Variants in P3H2 observed in about 807,000 individuals in gnomAD.
P3H2 encodes prolyl 3-hydroxylase 2.
A neutral mutation model predicts 87.0 loss-of-function variants in P3H2; 80 were observed. That is an observed-to-expected ratio of 0.92 (90% CI 0.77 to 1.11). P3H2 has a LOEUF of 1.11. Ranked by LOEUF, P3H2 falls within the 50% of genes least tolerant of loss-of-function variation. The probability of loss-of-function intolerance (pLI) is 0.00; values close to 1 mark genes in which losing one functional copy is unlikely to be tolerated. For missense variants in P3H2, 1,001 were observed against 923.9 expected (o/e 1.08, Z -1.08); for synonymous variants, 367 against 359.3 (o/e 1.02, Z -0.24).
At chr3:190,104,877 T>C (rs1007687094) in intron 1 of P3H2, among the ~76,000 whole-genome samples, 3 of 152,204 alleles carry the variant, frequency 2.0e-5, no homozygotes, top group Non-Finnish European at 4.4e-5. Context: ...TGTTCTGGCA[T>C]GTGTGTCTTA....
chr3:190,024,083 G>GT (rs1162871448), intron 1 of P3H2, among the ~76,000 whole-genome samples: 1 of 152,090 alleles, frequency 6.6e-6, no homozygotes, highest in African/African-American at 2.4e-5. Context: ...TGCCCCTGCA[G>GT]TTTTTTTAAT....
intron 1 of P3H2, among the ~76,000 whole-genome samples, chr3:190,107,526 A>G (rs56938312): frequency 0.12 from 17,565 of 152,152 alleles, 1,105 homozygotes; most frequent in Middle Eastern, 0.21. Flanking sequence ...CTATGAGTTG[A>G]GCAGTTTTTA....
chr3:190,106,176 G>A (rs1271460909), intron 1 of P3H2, among the ~76,000 whole-genome samples: 2 of 152,150 alleles, frequency 1.3e-5, no homozygotes, highest in African/African-American at 4.8e-5. Flanking sequence ...ATACAAAGAA[G>A]AGGACACAAT....
intron 1 of P3H2, among the ~76,000 whole-genome samples, chr3:190,089,943 G>A (rs1434200284): frequency 6.6e-6 from 1 of 152,106 alleles, no homozygotes; most frequent in African/African-American, 2.4e-5. Context: ...GGGGACGTTT[G>A]TTGGGGAGGC....
At chr3:190,045,955 A>ACT in intron 1 of P3H2, among the ~76,000 whole-genome samples, 1 of 151,906 alleles carries the variant, frequency 6.6e-6, no homozygotes, top group East Asian at 1.9e-4. Context: ...CCCCGTCTCT[A>ACT]AAAATAAAAA....
At position 190,120,883 on chromosome 3, in the gene P3H2, C is replaced by G; in HGVS notation, c.-152G>C. The G allele has an allele frequency of 7.9e-7, 1 of 1,270,504 alleles. No individual in the cohort carries two copies. Among genetic ancestry groups the G allele is most frequent in the Non-Finnish European group, 1.0e-6 (1 of 966,898 alleles). 78.7% of individuals were successfully genotyped at this position (1,270,504 alleles called of 1,614,324 possible). A position where few individuals can be genotyped will look rare whatever the true frequency, so the allele number is the denominator to read the frequency against. On this transcript the variant is annotated 5_prime_UTR_variant, in exon 1 of 15. Coordinates refer to ENST00000319332, the MANE Select transcript of P3H2 (RefSeq NM_018192.4). ...GAGCCCCAGGTGACCGCCGGCGCTC[C>G]GCGTACTGAGAGGCGGAGGCCGTGC...
intron 1 of P3H2, among the ~76,000 whole-genome samples, chr3:190,093,396 G>T (rs1727477165): frequency 6.6e-6 from 1 of 152,198 alleles, no homozygotes; most frequent in Non-Finnish European, 1.5e-5. Flanking sequence ...ATGAGTTGGG[G>T]GTTGGTCTGG....
chr3:190,008,331 T>C (rs532549832), intron 1 of P3H2, among the ~76,000 whole-genome samples: 1 of 152,246 alleles, frequency 6.6e-6, no homozygotes, highest in African/African-American at 2.4e-5. Context: ...ACCCAAAATG[T>C]ATCTCTCCAA....
chr3:190,014,677 T>C (rs541389257), intron 1 of P3H2, among the ~76,000 whole-genome samples: 2 of 152,212 alleles, frequency 1.3e-5, no homozygotes, highest in Admixed American at 1.3e-4. Flanking sequence ...TGAGTCATAA[T>C]GAAAAGCTCA....
chr3:190,070,488 T>C (rs140271413), intron 1 of P3H2, among the ~76,000 whole-genome samples: 342 of 152,150 alleles, frequency 2.2e-3, no homozygotes, highest in African/African-American at 7.3e-3. Context: ...TTCATGAGGG[T>C]ATCCAGGGTC....
Position 190,120,289 on chromosome 3 carries a change from C to T in P3H2, c.443G>A (p.Arg148Lys), listed in dbSNP as rs1462366036. ...SEDVRSDFQR[R>K]VPYNYLQRAY... ...CCGCTGCAGGTAGTTGTAGGGCACT[C>T]TGCGCTGGAAGTCGCTGCGCACATC... is the stretch of plus-strand genomic sequence containing the variant. Residue 148 changes from arginine (R) to lysine (K), a missense_variant, in exon 1 of 15, where the codon AGA becomes AAA. Coordinates refer to ENST00000319332, the MANE Select transcript of P3H2 (RefSeq NM_018192.4). 6.2e-7 allele frequency: 1 copy of T among 1,610,662 alleles called. No individual in the cohort carries two copies. The highest frequency in any genetic ancestry group is 2.2e-5 in the East Asian group (1 of 44,818).
intron 1 of P3H2, among the ~76,000 whole-genome samples, chr3:190,103,515 A>G (rs748671981): frequency 6.6e-6 from 1 of 152,206 alleles, no homozygotes; most frequent in Non-Finnish European, 1.5e-5. Flanking sequence ...TTATTGGGAA[A>G]GTGGACCAGG....
Position 190,025,145 on chromosome 3 carries a change from C to T in P3H2, c.481-29703G>A, listed in dbSNP as rs185101563. ...CTTCCTGCTTAATGAATCATTTCCT[C>T]ATCTGAATTTTTCAACCACAGTCAC... On this transcript the variant is annotated intron_variant, in intron 1 of 14. Transcript: ENST00000319332. 3.9e-3 allele frequency among the ~76,000 whole-genome samples: 587 copies of T among 152,138 alleles called. 5 individuals are homozygous for T. Among genetic ancestry groups the T allele is most frequent in the African/African-American group, 0.014 (561 of 41,514 alleles).
Position 189,995,393 on chromosome 3 carries a change from G to C in P3H2, c.530C>G (p.Ala177Gly), listed in dbSNP as rs1471142174. 6.2e-7 allele frequency: 1 copy of C among 1,613,922 alleles called. No homozygotes were observed. Among genetic ancestry groups the C allele is most frequent in the Admixed American group, 1.7e-5 (1 of 60,014 alleles). Residue 177 changes from alanine (A) to glycine (G), a missense_variant, in exon 2 of 15, where the codon GCT becomes GGT. Ala to Gly is a moderately conservative substitution (Grantham distance 60). Coordinates refer to ENST00000319332, the MANE Select transcript of P3H2 (RefSeq NM_018192.4). Reference protein sequence around the residue: ...AVEAAHTFFVANPEHMEMQQN... With the variant: ...AVEAAHTFFVGNPEHMEMQQN... Reference sequence around the variant, plus strand: ...CTGCATTTCCATGTGCTCAGGGTTAGCCACGAAAAATGTGTGAGCTGCTTC... The same window carrying C: ...CTGCATTTCCATGTGCTCAGGGTTACCCACGAAAAATGTGTGAGCTGCTTC...
intron 1 of P3H2, among the ~76,000 whole-genome samples, chr3:190,036,613 T>C (rs2108951219): frequency 6.6e-6 from 1 of 152,324 alleles, no homozygotes; most frequent in Admixed American, 6.5e-5. Context: ...AGACAGAAAT[T>C]AAAACTCATA....
intron 1 of P3H2, among the ~76,000 whole-genome samples, chr3:190,054,635 T>C (rs1179655665): frequency 6.6e-6 from 1 of 152,200 alleles, no homozygotes; most frequent in Non-Finnish European, 1.5e-5. Context: ...GAGTCCTAAC[T>C]GCTTTAAAGA....
chr3:190,044,160 AGAAT>A (rs1013332634), intron 1 of P3H2, among the ~76,000 whole-genome samples: 8 of 152,220 alleles, frequency 5.3e-5, no homozygotes, highest in African/African-American at 1.9e-4. Context: ...CACAAGTAAG[AGAAT>A]GAATAGGTGT....
Position 189,995,456 on chromosome 3 carries a change from A to T in P3H2, c.481-14T>A. 1 of 1,611,518 alleles carries T rather than the reference A, an allele frequency of 6.2e-7. No individual in the cohort carries two copies. Among genetic ancestry groups the T allele is most frequent in the Non-Finnish European group, 8.5e-7 (1 of 1,179,790 alleles). On this transcript the variant is annotated splice_polypyrimidine_tract_variant and intron_variant, in intron 1 of 14. Coordinates refer to ENST00000319332, the MANE Select transcript of P3H2 (RefSeq NM_018192.4). ...GAGCTGGTTAAGCTAAAGAGAAAAA[A>T]AAATGACCAAAATGAAGGCAAATAT... is the stretch of plus-strand genomic sequence containing the variant.
chr3:190,055,487 GAA>G, intron 1 of P3H2, among the ~76,000 whole-genome samples: 1 of 142,964 alleles, frequency 7.0e-6, no homozygotes, highest in East Asian at 2.0e-4. Flanking sequence ...AACAAAATGT[GAA>G]AAAAAAAATT....
Sources: allele counts gnomAD v4.1 joint callset (sites outside exome capture counted in the v4.1 genomes callset), GRCh38; gene constraint gnomAD v4.1.1; transcripts MANE v1.5; gene names NCBI Gene and HGNC (gene_info 2026-07-23, HGNC 2026-07-21).